Variants in ZFHX3 observed in about 807,000 individuals in gnomAD.
ZFHX3 encodes the protein zinc finger homeobox 3, also known as zinc finger homeobox protein 3.
ZFHX3 carries 42 observed loss-of-function variants against 279.1 expected under a neutral mutation model. That is an observed-to-expected ratio of 0.15 (90% CI 0.12 to 0.19). The LOEUF is 0.19. Among genes scored for constraint, ZFHX3 ranks in the 10% least tolerant of loss-of-function variants. The probability of loss-of-function intolerance (pLI) is 1.00; values close to 1 mark genes in which losing one functional copy is unlikely to be tolerated. For missense variants in ZFHX3, 4,981 were observed against 4,754.0 expected (o/e 1.05, Z -1.40); for synonymous variants, 2,293 against 1,957.8 (o/e 1.17, Z -4.52).
At position 73,622,741 on chromosome 16, in the gene ZFHX3, C is replaced by T. The variant is rs566873759; in HGVS notation, c.-1547+57439G>A. Among the ~76,000 whole-genome samples, 54 of 152,288 alleles carry T rather than the reference C, an allele frequency of 3.5e-4. 1 individual carries two copies. The highest frequency in any genetic ancestry group is 5.9e-5 in the Non-Finnish European group (4 of 68,020). On this transcript the variant is annotated intron_variant, in intron 2 of 17. Coordinates refer to the ZFHX3 transcript ENST00000641206. ...TATCGCCCCCCCAACCTACAGCCTTCATGACTCCCAGCAGCTCTAAGGGCA... is the reference window on the plus strand; with the variant it reads ...TATCGCCCCCCCAACCTACAGCCTTTATGACTCCCAGCAGCTCTAAGGGCA...
chr16:73,249,978 A>G (rs957102899), intron 5 of ZFHX3, among the ~76,000 whole-genome samples: 1 of 152,246 alleles, frequency 6.6e-6, no homozygotes, highest in African/African-American at 2.4e-5. Context: ...ATGGATGTAA[A>G]GGATGACAGC....
At chr16:73,183,248 T>C (rs1379269036) in intron 5 of ZFHX3, among the ~76,000 whole-genome samples, 1 of 152,190 alleles carries the variant, frequency 6.6e-6, no homozygotes, top group Non-Finnish European at 1.5e-5. Flanking sequence ...ATGTTCACTA[T>C]TTGGGTGATG....
chr16:73,679,045 A>C (rs1161007665), intron 2 of ZFHX3, among the ~76,000 whole-genome samples: 1 of 152,140 alleles, frequency 6.6e-6, no homozygotes, highest in East Asian at 1.9e-4. Context: ...TCGTGCTCAT[A>C]GGTATACTTA....
chr16:73,284,889 C>A (rs2014554620), intron 4 of ZFHX3, among the ~76,000 whole-genome samples: 1 of 152,138 alleles, frequency 6.6e-6, no homozygotes, highest in South Asian at 2.1e-4. Flanking sequence ...GTTGCTCAGG[C>A]TGGAGAGCAC....
intron 1 of ZFHX3, among the ~76,000 whole-genome samples, chr16:73,006,363 C>G (rs1963701064): frequency 6.6e-6 from 1 of 152,074 alleles, no homozygotes; most frequent in South Asian, 2.1e-4. Flanking sequence ...CGGCTCAAGC[C>G]TATAATCCCA....
intron 3 of ZFHX3, among the ~76,000 whole-genome samples, chr16:73,419,283 T>A (rs978797166): frequency 6.6e-6 from 1 of 152,258 alleles, no homozygotes; most frequent in Non-Finnish European, 1.5e-5. Context: ...AGGTAGCTAT[T>A]ATTTATTGAT....
At chr16:73,145,993 T>C (rs909156387) in intron 5 of ZFHX3, among the ~76,000 whole-genome samples, 2 of 152,226 alleles carry the variant, frequency 1.3e-5, no homozygotes, top group Non-Finnish European at 2.9e-5. Context: ...CTTTATCTAC[T>C]GGTGGCATAT....
At chr16:73,364,754 C>G (rs953701131) in intron 3 of ZFHX3, among the ~76,000 whole-genome samples, 2 of 152,158 alleles carry the variant, frequency 1.3e-5, no homozygotes, top group Admixed American at 6.5e-5. Flanking sequence ...ACCCTGCGAC[C>G]GTGTGGTTCC....
At chr16:73,500,762 G>C (rs1747907353) in intron 2 of ZFHX3, among the ~76,000 whole-genome samples, 1 of 144,382 alleles carries the variant, frequency 6.9e-6, no homozygotes, top group African/African-American at 2.6e-5. Context: ...TAAACACAAT[G>C]TGTGTTTTAA....
chr16:73,403,726 G>GTAA (rs1202189548), intron 3 of ZFHX3, among the ~76,000 whole-genome samples: 1 of 152,176 alleles, frequency 6.6e-6, no homozygotes, highest in Non-Finnish European at 1.5e-5. Flanking sequence ...CATCCAAATG[G>GTAA]TAACTTCTTA....
chr16:73,690,700 T>C (rs1388666367), intron 1 of ZFHX3, among the ~76,000 whole-genome samples: 1 of 152,200 alleles, frequency 6.6e-6, no homozygotes, highest in South Asian at 2.1e-4. Context: ...ATTGTGAGTT[T>C]TCCTCTTTTG....
At chr16:73,756,924 G>A (rs1354136046) in intron 1 of ZFHX3, among the ~76,000 whole-genome samples, 1 of 152,112 alleles carries the variant, frequency 6.6e-6, no homozygotes, top group Non-Finnish European at 1.5e-5. Context: ...ACATTATGGG[G>A]ACTTTAGAGA....
intron 3 of ZFHX3, among the ~76,000 whole-genome samples, chr16:73,429,643 G>C (rs1328781415): frequency 6.6e-6 from 1 of 152,012 alleles, no homozygotes; most frequent in Non-Finnish European, 1.5e-5. Flanking sequence ...AAGACCTTCG[G>C]ATTTTTTTAA....
intron 1 of ZFHX3, among the ~76,000 whole-genome samples, chr16:73,802,428 AC>A (rs1203337257): frequency 6.6e-6 from 1 of 152,222 alleles, no homozygotes; most frequent in African/African-American, 2.4e-5. Flanking sequence ...TCTTTTGATG[AC>A]CATGACTTTC....
chr16:73,591,692 C>CA (rs57402211), intron 2 of ZFHX3, among the ~76,000 whole-genome samples: 2,463 of 33,404 alleles, frequency 0.074, 540 homozygotes, highest in South Asian at 0.14. Flanking sequence ...GACTCTGTCT[C>CA]AAAAAAAAAA....
chr16:73,774,759 G>A (rs1473220189), intron 1 of ZFHX3, among the ~76,000 whole-genome samples: 2 of 152,120 alleles, frequency 1.3e-5, no homozygotes, highest in Non-Finnish European at 2.9e-5. Context: ...TTCTTAATGG[G>A]AGTGGTTTTT....
chr16:73,543,503 ACCCC>A (rs2020053305), intron 2 of ZFHX3, among the ~76,000 whole-genome samples: 8 of 151,740 alleles, frequency 5.3e-5, no homozygotes, highest in African/African-American at 1.9e-4. Context: ...TTATTTAGAA[ACCCC>A]TGGTAATTAG....
intron 2 of ZFHX3, among the ~76,000 whole-genome samples, chr16:73,592,625 A>G (rs1466244969): frequency 6.6e-6 from 1 of 152,178 alleles, no homozygotes; most frequent in East Asian, 1.9e-4. Flanking sequence ...GGAAATGTGA[A>G]TGAAACAGAT....
intron 6 of ZFHX3, among the ~76,000 whole-genome samples, chr16:73,139,487 T>G (rs1327992229): frequency 6.6e-6 from 1 of 152,224 alleles, no homozygotes; most frequent in East Asian, 1.9e-4. Flanking sequence ...CATTATCTTT[T>G]AATCAGAAAA....
Sources: gnomAD v4.1 joint callset for allele counts (sites outside exome capture counted in the v4.1 genomes callset) on GRCh38, gnomAD v4.1.1 for gene constraint, MANE v1.5 for transcripts, NCBI Gene and HGNC (gene_info 2026-07-23, HGNC 2026-07-21) for gene names.